The following DOCK11 variants were observed in gnomAD, a reference collection of about 807,000 sequenced individuals.
DOCK11 encodes dedicator of cytokinesis 11.
A neutral mutation model predicts 169.1 loss-of-function variants in DOCK11; 70 were observed. That is an observed-to-expected ratio of 0.41 (90% confidence interval 0.34 to 0.51). DOCK11 has a LOEUF of 0.51. DOCK11 is among the 20% of genes least tolerant of loss of function. The pLI is 0.10. For missense variants in DOCK11, 1,166 were observed against 1,538.8 expected (o/e 0.76, Z 4.05); for synonymous variants, 529 against 541.3 (o/e 0.98, Z 0.32).
At chrX:118,517,973 G>A (rs904686732) in intron 1 of DOCK11, among the ~76,000 whole-genome samples, 2 of 111,529 alleles carry the variant, frequency 1.8e-5, no homozygotes, top group Non-Finnish European at 3.8e-5. Context: ...GCTATGTTGC[G>A]TGTGAAATGT....
intron 1 of DOCK11, among the ~76,000 whole-genome samples, chrX:118,527,312 C>T (rs767071760): frequency 3.6e-5 from 4 of 112,201 alleles, no homozygotes; most frequent in Non-Finnish European, 5.6e-5. Context: ...CTTTCTTAGG[C>T]TGGGGCTTCA....
At chrX:118,637,245 C>G (rs918695204) in intron 36 of DOCK11, among the ~76,000 whole-genome samples, 1 of 110,350 alleles carries the variant, frequency 9.1e-6, no homozygotes. Flanking sequence ...GGAGGGATAT[C>G]AGGGGACCTA....
intron 24 of DOCK11, among the ~76,000 whole-genome samples, chrX:118,607,006 A>G (rs1218893280): frequency 2.8e-5 from 3 of 106,429 alleles, no homozygotes; most frequent in African/African-American, 1.0e-4. Context: ...CATGCTTTTC[A>G]TTGCGTCTTT....
intron 19 of DOCK11, 99 bp from the exon 20 acceptor site, chrX:118,593,115 A>C (rs2014052106): frequency 3.3e-5 from 31 of 953,128 alleles, no homozygotes; most frequent in Non-Finnish European, 4.2e-5. Context: ...CCAGTCCTTT[A>C]GGAAGTATTT....
Position 118,608,129 on chromosome X carries a change from A to T in DOCK11, c.2739A>T (p.Arg913Ser). 1 of 1,204,796 alleles carries T rather than the reference A, an allele frequency of 8.3e-7. No individual in the cohort carries two copies. Among genetic ancestry groups the T allele is most frequent in the Non-Finnish European group, 1.1e-6 (1 of 892,265 alleles). Residue 913 changes from arginine (R) to serine (S), a missense_variant, in exon 25 of 53, where the codon AGA becomes AGT. Coordinates refer to ENST00000276202, the MANE Select transcript of DOCK11 (RefSeq NM_144658.4). ...AAGAAGGCTTGGATAGTTATCTAAG[A>T]TCATTCATAAAGGTTTGTGGAGTAA... ...CHEEGLDSYL[R>S]SFIKYSFRPE... is the part of the protein sequence containing the mutation.
At chrX:118,572,882 C>T (rs2013325701) in intron 11 of DOCK11, among the ~76,000 whole-genome samples, 1 of 111,827 alleles carries the variant, frequency 8.9e-6, no homozygotes, top group African/African-American at 3.2e-5. Flanking sequence ...CTTGCAAAAT[C>T]TTCAAATGCG....
At chrX:118,499,331 C>A (rs1015341576) in intron 1 of DOCK11, among the ~76,000 whole-genome samples, 3 of 111,385 alleles carry the variant, frequency 2.7e-5, no homozygotes, top group Non-Finnish European at 5.7e-5. Context: ...GCGGAGCTTA[C>A]CCTCAATTCC....
intron 39 of DOCK11, among the ~76,000 whole-genome samples, chrX:118,641,890 T>A (rs1014838317): frequency 9.0e-6 from 1 of 111,249 alleles, no homozygotes; most frequent in African/African-American, 3.3e-5. Flanking sequence ...AAGGTGAAAA[T>A]CTTGCTTGCT....
intron 44 of DOCK11, among the ~76,000 whole-genome samples, chrX:118,658,572 C>A (rs1217821068): frequency 9.0e-6 from 1 of 111,113 alleles, no homozygotes; most frequent in Non-Finnish European, 1.9e-5. Flanking sequence ...GTACTCCCTG[C>A]CCCCACCCTC....
chrX:118,530,790 C>T (rs2011504521), intron 1 of DOCK11, among the ~76,000 whole-genome samples: 1 of 112,349 alleles, frequency 8.9e-6, no homozygotes, highest in South Asian at 3.7e-4. Context: ...GGATCTCTCT[C>T]TCCCTCTAGC....
At chrX:118,610,538 T>G in intron 28 of DOCK11, 120 bp downstream of exon 28, 1 of 805,495 alleles carries the variant, frequency 1.2e-6, no homozygotes, top group African/African-American at 2.1e-5. Context: ...TTGGAAAACT[T>G]AGGTTGCTTA....
At chrX:118,606,335 G>A (rs1485451801) in intron 24 of DOCK11, among the ~76,000 whole-genome samples, 1 of 111,715 alleles carries the variant, frequency 9.0e-6, no homozygotes, top group Non-Finnish European at 1.9e-5. Context: ...TCCCAGTGCT[G>A]GGATTACAGG....
intron 6 of DOCK11, among the ~76,000 whole-genome samples, chrX:118,546,793 C>T (rs1397801804): frequency 9.0e-6 from 1 of 110,757 alleles, no homozygotes; most frequent in Non-Finnish European, 1.9e-5. Context: ...AGTTCGAGAC[C>T]AGCCTGTGCA....
intron 12 of DOCK11, among the ~76,000 whole-genome samples, 155 bp from the exon 13 acceptor site, chrX:118,578,370 T>C (rs1401558469): frequency 8.9e-6 from 1 of 112,040 alleles, no homozygotes; most frequent in Non-Finnish European, 1.9e-5. Flanking sequence ...GTTGGAAGCT[T>C]TGAAAACTCT....
intron 44 of DOCK11, among the ~76,000 whole-genome samples, chrX:118,659,212 G>C (rs185362730): frequency 4.5e-5 from 5 of 110,812 alleles, no homozygotes; most frequent in Non-Finnish European, 9.4e-5. Context: ...TTTTTTTCAC[G>C]GGATAACTTG....
chrX:118,547,911 G>T (rs1331923933), intron 6 of DOCK11, among the ~76,000 whole-genome samples: 3 of 112,126 alleles, frequency 2.7e-5, no homozygotes, highest in Non-Finnish European at 5.6e-5. Context: ...GGGCCAGGCA[G>T]GAGGCTCATA....
chrX:118,584,645 C>A, intron 14 of DOCK11, 90 bp from the exon 15 acceptor site: 1 of 895,001 alleles, frequency 1.1e-6, no homozygotes, highest in Non-Finnish European at 1.5e-6. Context: ...AGTGGTTTCA[C>A]CATTTTACAT....
intron 1 of DOCK11, among the ~76,000 whole-genome samples, chrX:118,503,162 C>T (rs1485508673): frequency 1.9e-5 from 2 of 104,720 alleles, no homozygotes; most frequent in East Asian, 3.0e-4. Context: ...CGGGTTCAAG[C>T]GATTCTCCTG....
chrX:118,649,836 G>A (rs1319092832), intron 41 of DOCK11, among the ~76,000 whole-genome samples: 1 of 111,492 alleles, frequency 9.0e-6, no homozygotes, highest in African/African-American at 3.3e-5. Context: ...TTTGAGGACT[G>A]CCACATACTA....
Sources: gnomAD v4.1 joint callset for allele counts (sites outside exome capture counted in the v4.1 genomes callset) on GRCh38, gnomAD v4.1.1 for gene constraint, MANE v1.5 for transcripts, NCBI Gene and HGNC (gene_info 2026-07-23, HGNC 2026-07-21) for gene names.